Variants in PRRC2C observed in about 807,000 individuals in gnomAD.
PRRC2C encodes the protein proline rich coiled-coil 2C, also known as protein PRRC2C.
Under a neutral mutation model 317.2 loss-of-function variants are expected in PRRC2C, and 72 were observed. The ratio of observed to expected loss-of-function variants is 0.23; its 90% confidence interval spans 0.19 to 0.28. The LOEUF (loss-of-function observed/expected upper bound fraction) is 0.28. PRRC2C is among the 10% of genes least tolerant of loss of function. The pLI is 1.00. For missense variants in PRRC2C, 3,074 were observed against 3,459.7 expected, an observed-to-expected ratio of 0.89 and a Z score of 2.80; for synonymous variants, 1,296 against 1,205.9, an observed-to-expected ratio of 1.07 and a Z score of -1.55.
Position 171,540,422 on chromosome 1 carries a change from G to A in PRRC2C, c.2956G>A (p.Val986Ile), listed in dbSNP as rs1371723182. The A allele has an allele frequency of 6.2e-7, 1 of 1,612,910 alleles. No individual in the cohort carries two copies. Among genetic ancestry groups the A allele is most frequent in the Admixed American group, 1.7e-5 (1 of 59,832 alleles). Residue 986 changes from valine (V) to isoleucine (I), a missense_variant, in exon 16 of 35, where the codon GTA becomes ATA. Coordinates refer to ENST00000647382, the MANE Select transcript of PRRC2C (RefSeq NM_001387844.1). ...TTCTGAAGGACCAAAACCTGAAAAA[G>A]TATATAAATCTAAATCAGAAACTCG... ...RSSEGPKPEK[V>I]YKSKSETRWG...
intron 23 of PRRC2C, 53 bp from the exon 24 acceptor site, chr1:171,571,267 C>T: frequency 9.4e-7 from 1 of 1,066,178 alleles, no homozygotes; most frequent in Non-Finnish European, 1.4e-6. Context: ...TTTAATGGGG[C>T]TTTCGTAGTA....
rs767533299 is a variant in PRRC2C, at chr1:171,587,054, A to G, written c.7801A>G (p.Thr2601Ala). 74 of 1,611,820 alleles carry G rather than the reference A, an allele frequency of 4.6e-5. No individual in the cohort carries two copies. Among genetic ancestry groups the G allele is most frequent in the Non-Finnish European group, 6.1e-5 (72 of 1,179,030 alleles). Reference sequence around the variant, plus strand: ...GCTTTCCTTGCCTAATTTTGGATCTACAGGGCAACCTCTAATTGCTTTGCC... The same window carrying G: ...GCTTTCCTTGCCTAATTTTGGATCTGCAGGGCAACCTCTAATTGCTTTGCC... The part of the protein sequence containing the change: ...SQLSLPNFGS[T>A]GQPLIALPQT... The change falls in exon 31 of 35, where the codon ACA becomes GCA. Residue 2601 changes from threonine to alanine, a missense_variant. Physicochemically the swap from Thr to Ala is moderately conservative, Grantham distance 58. Transcript: ENST00000647382.
Position 171,497,362 on chromosome 1 carries a change from T to C in PRRC2C, c.-58+11627T>C, listed in dbSNP as rs549534072. 5.3e-5 allele frequency among the ~76,000 whole-genome samples: 8 copies of C among 152,360 alleles called. No homozygotes were observed. The South Asian group carries it at 1.7e-3, about 32-fold the overall frequency. ...GACTCTACCACTTTCCAGCTCTGTG[T>C]GTTTTGAGCAAATTACTTTACTTCT... On this transcript the variant is annotated intron_variant, in intron 1 of 34. Coordinates refer to ENST00000647382, the MANE Select transcript of PRRC2C (RefSeq NM_001387844.1).
rs1295462277 is a variant in PRRC2C, at chr1:171,540,138, C to T, written c.2672C>T (p.Ala891Val). 1.7e-5 allele frequency: 28 copies of T among 1,613,902 alleles called. No individual in the cohort carries two copies. Among genetic ancestry groups the T allele is most frequent in the Non-Finnish European group, 2.3e-5 (27 of 1,179,854 alleles). The change falls in exon 16 of 35, where the codon GCA becomes GTA. Residue 891 changes from alanine to valine, a missense_variant. Physicochemically the swap from Ala to Val is moderately conservative, Grantham distance 64. This residue lies in a region of PRRC2C where 1,320 missense variants were observed against 1,395.7 expected (regional missense o/e 0.95). Coordinates refer to ENST00000647382, the MANE Select transcript of PRRC2C (RefSeq NM_001387844.1). ...GATGTTAGACCTCACCATACTGATG[C>T]AAATAATCAGTCTGCTTGTTTTGAA... is the stretch of plus-strand genomic sequence containing the variant. The part of the protein sequence containing the change: ...VEDVRPHHTD[A>V]NNQSACFEAP...
intron 19 of PRRC2C, among the ~76,000 whole-genome samples, chr1:171,559,677 A>G (rs575609720): frequency 6.6e-6 from 1 of 152,030 alleles, no homozygotes; most frequent in Admixed American, 6.5e-5. Flanking sequence ...ACACGTCACC[A>G]TGCCTGGCTA....
chr1:171,575,265 G>T lies in PRRC2C; in HGVS notation c.6955+137G>T, dbSNP rs142011733. 6.8e-3 allele frequency: 5,862 copies of T among 865,938 alleles called. 52 individuals carry two copies. Among genetic ancestry groups the T allele is most frequent in the Middle Eastern group, 0.022 (62 of 2,790 alleles). The allele number at this position is 865,938 out of a possible 1,614,324, so 53.6% of individuals were successfully genotyped here. ...CCACCTCAGCCTCCCAAAGTGCTGG[G>T]ATTACAGGCATGAGCCACCACATGT... On this transcript the variant is annotated intron_variant, in intron 25 of 34. Transcript: ENST00000647382.
intron 12 of PRRC2C, among the ~76,000 whole-genome samples, chr1:171,533,556 A>C (rs753708452): frequency 1.2e-4 from 19 of 152,164 alleles, no homozygotes; most frequent in Non-Finnish European, 2.2e-4. Flanking sequence ...GCATTCAAAT[A>C]TAGTATAAAG....
At position 171,495,588 on chromosome 1, in the gene PRRC2C, A is replaced by C. The variant is rs569122519; in HGVS notation, c.-58+9853A>C. On this transcript the variant is annotated intron_variant, in intron 1 of 34. Transcript: ENST00000647382. ...TTTGTATTAAGTTTATTTAAGGAGA[A>C]GTATGTAAATGACTAGTACTTTCAG... 2.0e-5 allele frequency among the ~76,000 whole-genome samples: 3 copies of C among 152,328 alleles called. No individual in the cohort carries two copies. The East Asian group carries it at 5.8e-4, about 29-fold the overall frequency.
Position 171,540,507 on chromosome 1 carries a change from G to A in PRRC2C, c.3041G>A (p.Arg1014Lys). ...GAAGTTAATGATAGACCTGTGAGAA[G>A]ATCAGGTCCCATTAAAAAACCTGTA... Reference protein sequence around the residue: ...REEVNDRPVRRSGPIKKPVLR... With the variant: ...REEVNDRPVRKSGPIKKPVLR... Residue 1014 changes from arginine (R) to lysine (K), a missense_variant, in exon 16 of 35, where the codon AGA becomes AAA. By Grantham distance (26) the Arg-to-Lys change is conservative. Transcript: ENST00000647382. 2 of 1,613,292 alleles carry A rather than the reference G, an allele frequency of 1.2e-6. No individual in the cohort carries two copies. Among genetic ancestry groups the A allele is most frequent in the Non-Finnish European group, 1.7e-6 (2 of 1,179,738 alleles).
At position 171,532,495 on chromosome 1, in the gene PRRC2C, A is replaced by G; in HGVS notation, c.1407A>G (p.Glu469=). ...TAGAACGTGCTCGTAAACGGCGTGA[A>G]GAGGAAGAGCGAAGAATGGAAGAAC... ...AAVERARKRR[E]EEERRMEEQR... is the part of the protein sequence containing the mutation. The change falls in exon 12 of 35, where the codon GAA becomes GAG. Residue 469 remains glutamate (E), a synonymous_variant. Transcript: ENST00000647382. 2 of 1,612,004 alleles carry G rather than the reference A, an allele frequency of 1.2e-6. No individual in the cohort carries two copies. Among genetic ancestry groups the G allele is most frequent in the Non-Finnish European group, 8.5e-7 (1 of 1,179,034 alleles).
Position 171,515,872 on chromosome 1 carries a change from T to C in PRRC2C, c.526+13T>C, listed in dbSNP as rs1571711950. On this transcript the variant is annotated intron_variant, in intron 5 of 34. Transcript: ENST00000647382. ...TTACGTCCACCAAGTAAGAGTACTT[T>C]CTCTTTAATACAAAATGAGATCATA... The C allele has an allele frequency of 1.9e-6, 3 of 1,579,144 alleles. No individual in the cohort carries two copies. The highest frequency in any genetic ancestry group is 2.6e-6 in the Non-Finnish European group (3 of 1,166,432).
At chr1:171,568,915 T>C (rs1684193954) in intron 23 of PRRC2C, among the ~76,000 whole-genome samples, 1 of 152,210 alleles carries the variant, frequency 6.6e-6, no homozygotes, top group Non-Finnish European at 1.5e-5. Flanking sequence ...TAAGTCATGT[T>C]GTAACTTAGG....
intron 28 of PRRC2C, among the ~76,000 whole-genome samples, chr1:171,583,397 C>A (rs1240677629): frequency 6.6e-6 from 1 of 151,780 alleles, no homozygotes; most frequent in African/African-American, 2.4e-5. Context: ...CTAGGATCAT[C>A]AATATACTTT....
intron 19 of PRRC2C, among the ~76,000 whole-genome samples, chr1:171,558,994 C>T (rs947630674): frequency 6.6e-6 from 1 of 152,232 alleles, no homozygotes; most frequent in African/African-American, 2.4e-5. Flanking sequence ...CCAGACACAA[C>T]ATTCCCTTAA....
chr1:171,567,494 A>C (rs1268844682), intron 22 of PRRC2C, among the ~76,000 whole-genome samples: 1 of 152,202 alleles, frequency 6.6e-6, no homozygotes, highest in Non-Finnish European at 1.5e-5. Flanking sequence ...TCTCTTTTTA[A>C]TTGCCATACA....
chr1:171,494,276 CAT>C (rs1261249797), intron 1 of PRRC2C, among the ~76,000 whole-genome samples: 1 of 152,186 alleles, frequency 6.6e-6, no homozygotes, highest in Non-Finnish European at 1.5e-5. Flanking sequence ...ACTTAATTCA[CAT>C]GTTTCAGTTT....
chr1:171,525,034 T>C, intron 10 of PRRC2C, 69 bp downstream of exon 10: 1 of 1,265,166 alleles, frequency 7.9e-7, no homozygotes, highest in Non-Finnish European at 1.1e-6. Context: ...TGTAATACTA[T>C]GGATAATTAT....
chr1:171,508,372 T>G (rs1292859572), intron 1 of PRRC2C, among the ~76,000 whole-genome samples: 4 of 152,228 alleles, frequency 2.6e-5, no homozygotes, highest in African/African-American at 9.6e-5. Flanking sequence ...CTTTGTCACG[T>G]GGTTTTCTGC....
At chr1:171,536,348 C>A in intron 14 of PRRC2C, 70 bp downstream of exon 14, 1 of 1,498,056 alleles carries the variant, frequency 6.7e-7, no homozygotes, top group Non-Finnish European at 9.1e-7. Flanking sequence ...GTTTCAGTTC[C>A]TTTGAGAGTT....
Sources: gnomAD v4.1 joint callset for allele counts (sites outside exome capture counted in the v4.1 genomes callset) on GRCh38, gnomAD v4.1.1 for gene constraint, gnomAD v4.1.1 regional missense constraint, MANE v1.5 for transcripts, NCBI Gene and HGNC (gene_info 2026-07-23, HGNC 2026-07-21) for gene names.